The following C4orf17 variants were observed in gnomAD, a reference collection of about 807,000 sequenced individuals.
C4orf17 encodes uncharacterized protein C4orf17.
In C4orf17, 25 loss-of-function variants were observed where a neutral mutation model predicts 32.0. The observed-to-expected ratio is 0.78, with a 90% confidence interval of 0.57 to 1.09. C4orf17 has a LOEUF of 1.09. Among genes scored for constraint, C4orf17 ranks in the 50% least tolerant of loss-of-function variants. The pLI, the probability that C4orf17 is intolerant of heterozygous loss-of-function variation, is 0.00. For missense variants in C4orf17, 420 were observed against 420.0 expected, an observed-to-expected ratio of 1.00 and a Z score of 0.00; for synonymous variants, 149 against 145.8, an observed-to-expected ratio of 1.02 and a Z score of -0.16.
chr4:99,536,887 A>G (rs1321459845), intron 5 of C4orf17, among the ~76,000 whole-genome samples: 1 of 152,188 alleles, frequency 6.6e-6, no homozygotes, highest in Admixed American at 6.5e-5. Context: ...AGGGAAAGTT[A>G]TAGGGAATAG....
Position 99,541,590 on chromosome 4 carries a change from G to C in C4orf17, c.881-320G>C, listed in dbSNP as rs1723651349. 2.3e-5 allele frequency: 6 copies of C among 262,472 alleles called. No homozygotes were observed. In the South Asian group the frequency reaches 2.3e-4, roughly 10 times the overall value. 16.3% of individuals were successfully genotyped at this position (262,472 alleles called of 1,614,324 possible). On this transcript the variant is annotated intron_variant, in intron 8 of 8. Transcript: ENST00000326581. ...TCTTAGCCTGTTTGTCTCTTCTCTT[G>C]TTACATCTATCAGGACCATAGATCT...
chr4:99,514,607 T>A (rs1308709959), intron 2 of C4orf17, among the ~76,000 whole-genome samples: 1 of 152,106 alleles, frequency 6.6e-6, no homozygotes, highest in East Asian at 1.9e-4. Context: ...AAACAATAGA[T>A]GTTGGTGTGG....
At chr4:99,537,516 AT>A (rs1203806924) in intron 5 of C4orf17, among the ~76,000 whole-genome samples, 152 bp from the exon 6 acceptor site, 1 of 152,204 alleles carries the variant, frequency 6.6e-6, no homozygotes, top group African/African-American at 2.4e-5. Flanking sequence ...GCTATTTGAA[AT>A]CGAGCTCGTG....
At chr4:99,514,824 A>C (rs1434679023) in intron 2 of C4orf17, among the ~76,000 whole-genome samples, 6 of 152,242 alleles carry the variant, frequency 3.9e-5, no homozygotes, top group Admixed American at 3.9e-4. Context: ...ATACCAGAAC[A>C]GTTCACAATT....
chr4:99,522,581 A>T lies in C4orf17; in HGVS notation c.209A>T (p.Tyr70Phe). The change falls in exon 3 of 9, where the codon TAC becomes TTC. Residue 70 changes from tyrosine to phenylalanine, a missense_variant. By Grantham distance (22) the Tyr-to-Phe change is conservative. Coordinates refer to ENST00000326581, the MANE Select transcript of C4orf17 (RefSeq NM_032149.3). ...TTGTGGGGAGTTGGCCAGTCTAACT[A>T]CTTAGAGAAGAACAGGATACCATTT... ...GTLWGVGQSN[Y>F]LEKNRIPFAN... The T allele has an allele frequency of 2.5e-6, 4 of 1,613,974 alleles. No homozygotes were observed. Among genetic ancestry groups the T allele is most frequent in the Non-Finnish European group, 3.4e-6 (4 of 1,179,890 alleles).
At chr4:99,531,110 C>A (rs2110171587) in intron 5 of C4orf17, among the ~76,000 whole-genome samples, 1 of 113,866 alleles carries the variant, frequency 8.8e-6, no homozygotes, top group South Asian at 3.1e-4. Context: ...ACTCTATATC[C>A]CATTACCCTT....
At chr4:99,522,347 A>ATT (rs34420658) in intron 2 of C4orf17, among the ~76,000 whole-genome samples, 153 bp from the exon 3 acceptor site, 6,806 of 148,400 alleles carry the variant, frequency 0.046, 227 homozygotes, top group Middle Eastern at 0.11. Context: ...TCATAATACA[A>ATT]TTTTTTTTTT....
At chr4:99,526,651 CTT>C (rs145120945) in intron 4 of C4orf17, among the ~76,000 whole-genome samples, 6 of 137,586 alleles carry the variant, frequency 4.4e-5, no homozygotes, top group Admixed American at 7.2e-5. Flanking sequence ...CTTTTCTTTT[CTT>C]TTTTTTTTTT....
At position 99,529,903 on chromosome 4, in the gene C4orf17, A is replaced by G. The variant is rs1417597081; in HGVS notation, c.491A>G (p.Asn164Ser). The G allele has an allele frequency of 1.2e-6, 2 of 1,613,200 alleles. No individual in the cohort carries two copies. Among genetic ancestry groups the G allele is most frequent in the South Asian group, 2.2e-5 (2 of 91,024 alleles). Residue 164 changes from asparagine (N) to serine (S), a missense_variant, in exon 5 of 9, where the codon AAT (asparagine) becomes AGT (serine). By Grantham distance (46) the Asn-to-Ser change is conservative. Transcript: ENST00000326581. ...TCTTCAGGGATGACAAGTACCAAGA[A>G]TGATGTGAAAGCAAACACCATTTGC... Reference protein sequence around the residue: ...SCSSGMTSTKNDVKANTICIP... With the variant: ...SCSSGMTSTKSDVKANTICIP...
intron 5 of C4orf17, among the ~76,000 whole-genome samples, chr4:99,534,628 C>T (rs1723530509): frequency 6.6e-6 from 1 of 152,166 alleles, no homozygotes; most frequent in African/African-American, 2.4e-5. Flanking sequence ...TTCTCCACAA[C>T]CTTGCCAGCA....
At chr4:99,538,578 G>A (rs779063129) in intron 6 of C4orf17, among the ~76,000 whole-genome samples, 1 of 152,042 alleles carries the variant, frequency 6.6e-6, no homozygotes, top group East Asian at 1.9e-4. Context: ...AGAGGCGATG[G>A]GTCTTTAGTT....
chr4:99,536,487 A>G (rs937377068), intron 5 of C4orf17, among the ~76,000 whole-genome samples: 1 of 152,180 alleles, frequency 6.6e-6, no homozygotes, highest in African/African-American at 2.4e-5. Context: ...CCACTTAAAG[A>G]AGCAGTCTGG....
chr4:99,525,059 T>A (rs191274089), intron 4 of C4orf17, among the ~76,000 whole-genome samples: 6 of 152,350 alleles, frequency 3.9e-5, no homozygotes, highest in Non-Finnish European at 5.9e-5. Context: ...TGTATGGTTA[T>A]CCTACAATGT....
intron 4 of C4orf17, among the ~76,000 whole-genome samples, chr4:99,526,500 T>C (rs778271967): frequency 1.3e-5 from 2 of 152,190 alleles, no homozygotes; most frequent in Non-Finnish European, 2.9e-5. Flanking sequence ...TAGAATAAGT[T>C]GGGAATTCCT....
intron 5 of C4orf17, 50 bp from the exon 6 acceptor site, chr4:99,537,619 A>G (rs757701878): frequency 1.6e-6 from 2 of 1,285,844 alleles, no homozygotes; most frequent in Non-Finnish European, 1.1e-6. Flanking sequence ...AAAACTGATA[A>G]GCCTTGTACT....
intron 5 of C4orf17, among the ~76,000 whole-genome samples, chr4:99,530,776 A>G (rs1723465482): frequency 6.6e-6 from 1 of 152,048 alleles, no homozygotes; most frequent in Non-Finnish European, 1.5e-5. Context: ...ATTTATGCTG[A>G]TAATTAAACT....
chr4:99,528,660 A>C (rs1293490341), intron 4 of C4orf17, among the ~76,000 whole-genome samples: 1 of 152,210 alleles, frequency 6.6e-6, no homozygotes, highest in Non-Finnish European at 1.5e-5. Flanking sequence ...ACTTACAATC[A>C]TAGCAGAAGG....
Position 99,513,232 on chromosome 4 carries a change from A to G in C4orf17, c.127+24A>G, listed in dbSNP as rs761186332. The G allele has an allele frequency of 1.2e-5, 20 of 1,613,022 alleles. No individual in the cohort carries two copies. In the East Asian group the frequency reaches 3.8e-4, roughly 31 times the overall value. On this transcript the variant is annotated intron_variant, in intron 2 of 8. Coordinates refer to ENST00000326581, the MANE Select transcript of C4orf17 (RefSeq NM_032149.3). Reference sequence around the variant, plus strand: ...AGGTAAGGTGACTTAAGGTCCTAGTATGTGTCTCTATTCTCTACACTTGGG... The same window carrying G: ...AGGTAAGGTGACTTAAGGTCCTAGTGTGTGTCTCTATTCTCTACACTTGGG...
intron 3 of C4orf17, among the ~76,000 whole-genome samples, chr4:99,524,001 A>G (rs1221381839): frequency 3.8e-5 from 5 of 131,524 alleles, no homozygotes; most frequent in East Asian, 2.2e-4. Flanking sequence ...TTTTTTTGAG[A>G]CGGAGTCTTG....
Sources: gnomAD v4.1 joint callset for allele counts (sites outside exome capture counted in the v4.1 genomes callset) on GRCh38, gnomAD v4.1.1 for gene constraint, MANE v1.5 for transcripts, NCBI Gene and HGNC (gene_info 2026-07-23, HGNC 2026-07-21) for gene names.